Variants in PRPF18 observed in about 807,000 individuals in gnomAD.
PRPF18 encodes pre-mRNA-splicing factor 18.
A neutral mutation model predicts 46.5 loss-of-function variants in PRPF18; 38 were observed. The observed-to-expected ratio is 0.82, with a 90% CI of 0.63 to 1.07. PRPF18 has a LOEUF of 1.07. Among genes scored for constraint, PRPF18 ranks in the 50% least tolerant of loss-of-function variants. PRPF18 has a pLI of 0.00. For missense variants in PRPF18, 263 were observed against 410.0 expected (o/e 0.64, Z 3.10); for synonymous variants, 152 against 146.7 (o/e 1.04, Z -0.26).
At chr10:13,614,626 T>G (rs2478122) in intron 8 of PRPF18, among the ~76,000 whole-genome samples, 11,271 of 152,218 alleles carry the variant, frequency 0.074, 1,363 homozygotes, top group African/African-American at 0.25. Context: ...ACCCCTGCAG[T>G]GGAAGTCTCT....
At position 13,611,648 on chromosome 10, in the gene PRPF18, C is replaced by A. The variant is rs1279719459; in HGVS notation, c.544C>A (p.His182Asn). 1 of 1,613,972 alleles carries A rather than the reference C, an allele frequency of 6.2e-7. No homozygotes were observed. The highest frequency in any genetic ancestry group is 2.2e-5 in the East Asian group (1 of 44,870). The change falls in exon 6 of 10, where the codon CAT becomes AAT. Residue 182 changes from histidine (H) to asparagine (N), a missense_variant. This residue lies in a region of PRPF18 where 155 missense variants were observed against 245.1 expected (regional missense o/e 0.63). Transcript: ENST00000378572. The part of the protein sequence containing the change: ...LGESLGKGDD[H>N]KDMDIITKFL... ...AGAGTCCTTAGGGAAAGGCGATGAT[C>A]ATAAAGACATGGACATCATCACCAA...
chr10:13,650,811 G>T, the PRPF18 span, among the ~76,000 whole-genome samples: 2 of 152,102 alleles, frequency 1.3e-5, no homozygotes, highest in African/African-American at 4.8e-5. Flanking sequence ...TTTTGCACTT[G>T]GGATGGTCTC....
At chr10:13,627,881 C>T (rs1355759224) in intron 9 of PRPF18, among the ~76,000 whole-genome samples, 1 of 152,216 alleles carries the variant, frequency 6.6e-6, no homozygotes, top group Non-Finnish European at 1.5e-5. Context: ...CATAACAATT[C>T]TTGCCATGCT....
At chr10:13,631,468 C>G (rs2080589178), downstream of PRPF18, 1 of 152,232 alleles carries the variant, frequency 6.6e-6, no homozygotes, top group Non-Finnish European at 1.5e-5. Context: ...TAAGCGTCAG[C>G]TTCGTTGTCT....
chr10:13,629,572 G>A (rs2080563285), intron 9 of PRPF18, among the ~76,000 whole-genome samples: 1 of 152,080 alleles, frequency 6.6e-6, no homozygotes, highest in African/African-American at 2.4e-5. Flanking sequence ...TTGAAAAACC[G>A]TTCCACCATG....
intron 8 of PRPF18, 150 bp from the exon 9 acceptor site, chr10:13,616,248 T>C (rs1434214750): frequency 2.6e-6 from 2 of 766,406 alleles, no homozygotes; most frequent in Admixed American, 3.0e-5. Context: ...TTAATCTGTT[T>C]TGTTTGAATA....
chr10:13,587,599 G>A (rs1377466814), intron 1 of PRPF18, among the ~76,000 whole-genome samples: 2 of 152,222 alleles, frequency 1.3e-5, no homozygotes, highest in Non-Finnish European at 2.9e-5. Flanking sequence ...GGCCAATCAC[G>A]GGCCATCCCT....
intron 9 of PRPF18, among the ~76,000 whole-genome samples, chr10:13,629,147 C>G (rs180902614): frequency 6.6e-6 from 1 of 152,232 alleles, no homozygotes; most frequent in African/African-American, 2.4e-5. Context: ...GAGAACTGGC[C>G]AAACTGCTGT....
chr10:13,616,644 A>C, intron 9 of PRPF18, 91 bp downstream of exon 9: 3 of 1,502,338 alleles, frequency 2.0e-6, no homozygotes, highest in Non-Finnish European at 2.8e-6. Context: ...AGAGAATTAC[A>C]GCAAATAGAA....
intron 9 of PRPF18, among the ~76,000 whole-genome samples, chr10:13,616,770 A>G (rs2080347348): frequency 2.0e-5 from 3 of 152,088 alleles, no homozygotes; most frequent in Admixed American, 6.5e-5. Flanking sequence ...AGGGTGAAGT[A>G]TTGTGCTTTA....
At chr10:13,604,082 AG>A (rs2080151795) in intron 3 of PRPF18, among the ~76,000 whole-genome samples, 1 of 152,236 alleles carries the variant, frequency 6.6e-6, no homozygotes, top group Non-Finnish European at 1.5e-5. Flanking sequence ...TGTTTCACGA[AG>A]AAATGTGATT....
At chr10:13,627,977 C>T (rs558865703) in intron 9 of PRPF18, among the ~76,000 whole-genome samples, 1 of 151,278 alleles carries the variant, frequency 6.6e-6, no homozygotes, top group East Asian at 2.0e-4. Flanking sequence ...CTTCAGGAAC[C>T]TTAAGATGCC....
chr10:13,634,973 T>C (rs886202108), downstream of PRPF18, among the ~76,000 whole-genome samples: 7 of 152,160 alleles, frequency 4.6e-5, no homozygotes, highest in Non-Finnish European at 7.3e-5. Context: ...GGTGGTTTGC[T>C]GCACACATCA....
downstream of PRPF18, among the ~76,000 whole-genome samples, chr10:13,632,164 AC>A (rs1242568992): frequency 1.3e-5 from 2 of 152,116 alleles, no homozygotes; most frequent in Non-Finnish European, 2.9e-5. Flanking sequence ...ACACTGTGAA[AC>A]CCTGTCTCTA....
At chr10:13,621,685 C>T (rs925537964) in intron 9 of PRPF18, among the ~76,000 whole-genome samples, 1 of 152,216 alleles carries the variant, frequency 6.6e-6, no homozygotes, top group Non-Finnish European at 1.5e-5. Context: ...TTGATCTGTG[C>T]ACTGTGTTAC....
Position 13,611,226 on chromosome 10 carries a change from T to C in PRPF18, c.511-389T>C, listed in dbSNP as rs1290620436. Among the ~76,000 whole-genome samples the C allele has an allele frequency of 2.0e-5, 3 of 151,980 alleles. No homozygotes were observed. In the East Asian group the frequency reaches 5.8e-4, roughly 29 times the overall value. ...TTTTTCCTATTGGTGTATTTATTTGTTTATTTTTAAAAAACAGCTTTATTG... is the reference window on the plus strand; with the variant it reads ...TTTTTCCTATTGGTGTATTTATTTGCTTATTTTTAAAAAACAGCTTTATTG... On this transcript the variant is annotated intron_variant, in intron 5 of 9. Coordinates refer to ENST00000378572, the MANE Select transcript of PRPF18 (RefSeq NM_003675.4).
intron 4 of PRPF18, among the ~76,000 whole-genome samples, chr10:13,609,742 T>G (rs558603456): frequency 1.3e-5 from 2 of 152,334 alleles, no homozygotes; most frequent in Admixed American, 1.3e-4. Context: ...ATTAGAAAAT[T>G]ACAGCATTGA....
intron 9 of PRPF18, among the ~76,000 whole-genome samples, chr10:13,628,038 T>C (rs11258485): frequency 0.28 from 43,127 of 152,066 alleles, 6,693 homozygotes; most frequent in East Asian, 0.56. Context: ...AAGTTCTGCA[T>C]ACACATGATT....
At chr10:13,603,251 C>A (rs954474790) in intron 3 of PRPF18, among the ~76,000 whole-genome samples, 8 of 150,366 alleles carry the variant, frequency 5.3e-5, no homozygotes, top group African/African-American at 1.7e-4. Flanking sequence ...GGCTTAAGTT[C>A]TTTCACTGAT....
Sources: gnomAD v4.1 joint callset for allele counts (sites outside exome capture counted in the v4.1 genomes callset) on GRCh38, gnomAD v4.1.1 for gene constraint, gnomAD v4.1.1 regional missense constraint, MANE v1.5 for transcripts, NCBI Gene and HGNC (gene_info 2026-07-23, HGNC 2026-07-21) for gene names.